Variants in STMN2 observed in about 807,000 individuals in gnomAD.
The protein encoded by STMN2 is stathmin-2.
A neutral mutation model predicts 24.1 loss-of-function variants in STMN2; 2 were observed. The observed-to-expected ratio is 0.08, with a 90% CI of 0.03 to 0.26. The LOEUF (loss-of-function observed/expected upper bound fraction) is 0.26, where lower values mean the gene tolerates loss of function less well. STMN2 is among the 10% of genes least tolerant of loss of function. The pLI is 1.00. For synonymous variants in STMN2, 83 were observed against 77.5 expected, an observed-to-expected ratio of 1.07 and a Z score of -0.37; for missense variants, 114 against 213.6, an observed-to-expected ratio of 0.53 and a Z score of 2.91.
intron 3 of STMN2, among the ~76,000 whole-genome samples, chr8:79,645,807 C>T (rs575430165): frequency 1.2e-4 from 19 of 152,240 alleles, no homozygotes; most frequent in Admixed American, 3.3e-4. Flanking sequence ...CTCTCACTCT[C>T]GTTCATGGTA....
chr8:79,618,852 G>C (rs1456264597), intron 1 of STMN2, among the ~76,000 whole-genome samples: 4 of 152,150 alleles, frequency 2.6e-5, no homozygotes, highest in East Asian at 3.9e-4. Context: ...ATTGTACTTA[G>C]AGTAGGAGCC....
intron 4 of STMN2, chr8:79,663,496 A>C (rs1405163309): frequency 1.2e-6 from 1 of 816,324 alleles, no homozygotes; most frequent in African/African-American, 1.7e-5. Context: ...TGCCTAATAA[A>C]TATTCAGTAT....
At chr8:79,663,039 T>G (rs1806533405) in intron 4 of STMN2, among the ~76,000 whole-genome samples, 3 of 152,136 alleles carry the variant, frequency 2.0e-5, no homozygotes. Context: ...GCCTCTTTCC[T>G]TCTCTTCATG....
chr8:79,654,651 C>T (rs573618337), intron 3 of STMN2, among the ~76,000 whole-genome samples: 25 of 152,084 alleles, frequency 1.6e-4, no homozygotes, highest in Admixed American at 2.6e-4. Flanking sequence ...TAAGACAGTC[C>T]GAAATATACT....
chr8:79,653,650 C>T (rs1279842545), intron 3 of STMN2, among the ~76,000 whole-genome samples: 1 of 152,200 alleles, frequency 6.6e-6, no homozygotes, highest in Admixed American at 6.5e-5. Flanking sequence ...ACAACCACTA[C>T]CATCAACTAA....
intron 1 of STMN2, among the ~76,000 whole-genome samples, chr8:79,618,419 G>T (rs1206517335): frequency 6.6e-6 from 1 of 152,172 alleles, no homozygotes; most frequent in Non-Finnish European, 1.5e-5. Context: ...ATCATGGTTA[G>T]CACATTTCAA....
At chr8:79,612,928 C>T (rs1290587141) in intron 1 of STMN2, among the ~76,000 whole-genome samples, 2 of 152,166 alleles carry the variant, frequency 1.3e-5, no homozygotes, top group Non-Finnish European at 2.9e-5. Flanking sequence ...TTGATGTGCG[C>T]AGACCCCCGG....
At chr8:79,625,189 C>T (rs1347617014) in intron 1 of STMN2, among the ~76,000 whole-genome samples, 3 of 152,078 alleles carry the variant, frequency 2.0e-5, no homozygotes, top group African/African-American at 7.2e-5. Context: ...CTTTTTTCCA[C>T]ATTTTGAACT....
At chr8:79,663,981 GA>G (rs60815645) in intron 4 of STMN2, among the ~76,000 whole-genome samples, 5,569 of 149,650 alleles carry the variant, frequency 0.037, 131 homozygotes, top group South Asian at 0.1. Flanking sequence ...CCTGCAAATG[GA>G]AAAAAAAATG....
At chr8:79,652,419 T>C (rs113626425) in intron 3 of STMN2, among the ~76,000 whole-genome samples, 1,790 of 152,290 alleles carry the variant, frequency 0.012, 35 homozygotes, top group African/African-American at 0.04. Flanking sequence ...TTCCTATCAA[T>C]ACAGCCCAAG....
At chr8:79,641,624 G>GCACT (rs1319315239) in intron 3 of STMN2, 74 bp downstream of exon 3, 388 of 475,600 alleles carry the variant, frequency 8.2e-4, no homozygotes, top group Middle Eastern at 1.3e-3. Context: ...GGGCACACAT[G>GCACT]CACGCACACA....
chr8:79,612,422 G>A (rs1422417584), intron 1 of STMN2, among the ~76,000 whole-genome samples: 2 of 152,192 alleles, frequency 1.3e-5, no homozygotes, highest in Admixed American at 6.5e-5. Context: ...TAATAATAGA[G>A]ATGACATGAA....
intron 3 of STMN2, among the ~76,000 whole-genome samples, chr8:79,647,708 G>T (rs1299990284): frequency 2.0e-5 from 3 of 152,180 alleles, no homozygotes; most frequent in Non-Finnish European, 4.4e-5. Flanking sequence ...GTCATAAAAA[G>T]AATAAGCCCT....
At position 79,636,786 on chromosome 8, in the gene STMN2, C is replaced by G; in HGVS notation, c.20-16C>G. The G allele has an allele frequency of 2.5e-6, 4 of 1,609,636 alleles. No individual in the cohort carries two copies. The highest frequency in any genetic ancestry group is 2.6e-6 in the Non-Finnish European group (3 of 1,176,466). ...AGAAAAAATGAAATATACTAATCTT[C>G]AGCTTTTCATTTCAGCCTACAAGGA... On this transcript the variant is annotated splice_polypyrimidine_tract_variant and intron_variant, in intron 1 of 4. Coordinates refer to ENST00000220876, the MANE Select transcript of STMN2 (RefSeq NM_007029.4).
chr8:79,664,683 A>G (rs1167028981), intron 4 of STMN2, 132 bp from the exon 5 acceptor site: 8 of 583,120 alleles, frequency 1.4e-5, no homozygotes, highest in Non-Finnish European at 2.2e-5. Flanking sequence ...CAGGGCCCAT[A>G]TTTTCCTTCT....
chr8:79,635,468 C>A (rs1405595132), intron 1 of STMN2, among the ~76,000 whole-genome samples: 1 of 152,180 alleles, frequency 6.6e-6, no homozygotes, highest in Non-Finnish European at 1.5e-5. Flanking sequence ...ATGTTCATGG[C>A]AGCACTATTC....
intron 3 of STMN2, among the ~76,000 whole-genome samples, chr8:79,649,957 T>A (rs150200012): frequency 6.6e-6 from 1 of 152,212 alleles, no homozygotes; most frequent in South Asian, 2.1e-4. Context: ...GTACCTCTCA[T>A]GTAATTATTT....
At chr8:79,620,996 A>G (rs1489668756) in intron 1 of STMN2, 8 of 985,094 alleles carry the variant, frequency 8.1e-6, no homozygotes, top group South Asian at 4.7e-5. Context: ...GCAGGCCAGG[A>G]CAGCATGTGA....
intron 3 of STMN2, among the ~76,000 whole-genome samples, chr8:79,643,987 G>A (rs915779094): frequency 1.3e-5 from 2 of 151,770 alleles, no homozygotes; most frequent in African/African-American, 4.8e-5. Flanking sequence ...TAATGGTAGA[G>A]TTTTAATTAA....
Sources: allele counts gnomAD v4.1 joint callset (sites outside exome capture counted in the v4.1 genomes callset), GRCh38; gene constraint gnomAD v4.1.1; transcripts MANE v1.5; gene names NCBI Gene and HGNC (gene_info 2026-07-23, HGNC 2026-07-21).